HNRNPR: variants seen among roughly 807,000 people sequenced by gnomAD.
HNRNPR encodes the protein heterogeneous nuclear ribonucleoprotein R.
Under a neutral mutation model 70.3 loss-of-function variants are expected in HNRNPR, and 4 were observed. The ratio of observed to expected loss-of-function variants is 0.06; its 90% CI spans 0.03 to 0.13. HNRNPR has a LOEUF of 0.13. Among genes scored for constraint, HNRNPR ranks in the 10% least tolerant of loss-of-function variants. The pLI is 1.00. For synonymous variants in HNRNPR, 241 were observed against 267.6 expected, an observed-to-expected ratio of 0.90 and a Z score of 0.97; for missense variants, 423 against 788.5, an observed-to-expected ratio of 0.54 and a Z score of 5.55.
At position 23,323,585 on chromosome 1, in the gene HNRNPR, T is replaced by A. The variant is rs200948069; in HGVS notation, c.646A>T (p.Lys216Ter). Residue 216 changes from lysine to a stop codon, truncating the protein, a stop_gained, in exon 6 of 11, where the codon AAG becomes TAG. Transcript: ENST00000302271. LOFTEE classifies it high-confidence loss of function. ...RGYAFITFCG[K>*]EAAQEAVKLC... ...TTCACGGCTTCCTGTGCAGCTTCCTTTCCACAGAAGGTGATAAATGCATAC... is the reference window on the plus strand; with the variant it reads ...TTCACGGCTTCCTGTGCAGCTTCCTATCCACAGAAGGTGATAAATGCATAC... The A allele has an allele frequency of 6.2e-7, 1 of 1,613,866 alleles. No homozygotes were observed.
In HNRNPR at chr1:23,308,058, A is replaced by C. The variant is rs944097198; in HGVS notation, c.*2396T>G. 1 of 152,092 alleles carries C rather than the reference A, an allele frequency of 6.6e-6. No homozygotes were observed. The highest frequency in any genetic ancestry group is 1.5e-5 in the Non-Finnish European group (1 of 67,930). 9.4% of individuals were successfully genotyped at this position (152,092 alleles called of 1,614,324 possible). On this transcript the variant is annotated 3_prime_UTR_variant, in exon 11 of 11. Coordinates refer to ENST00000302271, the MANE Select transcript of HNRNPR (RefSeq NM_005826.5). ...GAATGCTGCTACAGTGTTAATTTAC[A>C]AGACATGAAAGAAGAAAAGCTCTTG...
rs565996580 is a variant in HNRNPR, at chr1:23,332,512, G to A, written c.498+1006C>T. On this transcript the variant is annotated intron_variant, in intron 5 of 10. Transcript: ENST00000302271. ...GAGGTCATGAGTTCAAGACCAGCCT[G>A]ACCAACATGGTGAAATCCTCTTTAG... Among the ~76,000 whole-genome samples the A allele has an allele frequency of 2.7e-3, 403 of 151,288 alleles. 1 individual carries two copies. Among genetic ancestry groups the A allele is most frequent in the African/African-American group, 9.4e-3 (388 of 41,198 alleles).
intron 4 of HNRNPR, among the ~76,000 whole-genome samples, chr1:23,335,969 T>C (rs1205882102): frequency 6.9e-6 from 1 of 144,990 alleles, no homozygotes; most frequent in African/African-American, 2.6e-5. Context: ...TACAAAAAAT[T>C]AGCCGGGCGT....
rs745649233 is a variant in HNRNPR at position 23,323,577 on chromosome 1, A to G, written c.654T>C (p.Ala218=). ...ATACCAGTTTCACGGCTTCCTGTGC[A>G]GCTTCCTTTCCACAGAAGGTGATAA... ...YAFITFCGKE[A]AQEAVKLCDS... Residue 218 remains alanine, a synonymous_variant, in exon 6 of 11, where the codon GCT becomes GCC. Transcript: ENST00000302271. The G allele has an allele frequency of 6.2e-6, 10 of 1,613,904 alleles. No homozygotes were observed. In the South Asian group the frequency reaches 1.1e-4, roughly 18 times the overall value.
At position 23,310,330 on chromosome 1, in the gene HNRNPR, C is replaced by T. The variant is rs1645281394; in HGVS notation, c.*124G>A. On this transcript the variant is annotated 3_prime_UTR_variant, in exon 11 of 11. Coordinates refer to ENST00000302271, the MANE Select transcript of HNRNPR (RefSeq NM_005826.5). This position sits in a 1 kb window ranked among gnomAD's most constrained non-coding sequence, Gnocchi z 6.0. ...ATATACACAATAGTGATTTCTTCAG[C>T]CCAATACAAATGGCAGCAAAATGCT... 3 of 866,494 alleles carry T rather than the reference C, an allele frequency of 3.5e-6. No individual in the cohort carries two copies. In the South Asian group the frequency reaches 5.2e-5, roughly 15 times the overall value. The allele number at this position is 866,494 out of a possible 1,614,324, so 53.7% of individuals were successfully genotyped here. A position where few individuals can be genotyped will look rare whatever the true frequency, so the allele number is the denominator to read the frequency against.
At chr1:23,338,377 AAAG>A (rs899248184) in intron 3 of HNRNPR, 110 bp downstream of exon 3, 28 of 503,696 alleles carry the variant, frequency 5.6e-5, no homozygotes, top group African/African-American at 5.2e-4. Flanking sequence ...TAATTTTTTA[AAAG>A]AAGAGGTAGT....
At chr1:23,341,256 T>C (rs1646695121) in intron 1 of HNRNPR, among the ~76,000 whole-genome samples, 1 of 152,196 alleles carries the variant, frequency 6.6e-6, no homozygotes, top group Admixed American at 6.5e-5. Flanking sequence ...CCGGGTAAGA[T>C]AAAGGCTTTA....
intron 5 of HNRNPR, among the ~76,000 whole-genome samples, chr1:23,330,318 T>C (rs1413766015): frequency 2.0e-5 from 3 of 152,130 alleles, no homozygotes; most frequent in Middle Eastern, 3.4e-3. Context: ...GGGTGGATCA[T>C]GAGGTCAAGA....
At chr1:23,324,990 A>C (rs1645910144) in intron 5 of HNRNPR, among the ~76,000 whole-genome samples, 1 of 151,540 alleles carries the variant, frequency 6.6e-6, no homozygotes, top group Admixed American at 6.6e-5. Context: ...AATACAAAAA[A>C]TTAGCCGGGC....
chr1:23,316,972 C>G (rs1355965095), intron 8 of HNRNPR, among the ~76,000 whole-genome samples: 3 of 152,096 alleles, frequency 2.0e-5, no homozygotes, highest in African/African-American at 4.8e-5. Flanking sequence ...AGACTTTATA[C>G]AAGTATAAAC....
In HNRNPR at chr1:23,308,239, TAAAGG is replaced by T. The variant is rs752797074; in HGVS notation, c.*2210_*2214del. ...TAAAATTCAAAATATAATTTGCAAT[TAAAGG>T]AAAGGATTTTGACATGGAACCCAAG... is the stretch of plus-strand genomic sequence containing the variant. On this transcript the variant is annotated 3_prime_UTR_variant, in exon 11 of 11. Coordinates refer to ENST00000302271, the MANE Select transcript of HNRNPR (RefSeq NM_005826.5). The T allele has an allele frequency of 2.0e-4, 30 of 152,170 alleles. No homozygotes were observed. Among genetic ancestry groups the T allele is most frequent in the East Asian group, 1.5e-3 (8 of 5,192 alleles). 9.4% of individuals were successfully genotyped at this position (152,170 alleles called of 1,614,324 possible). A position where few individuals can be genotyped will look rare whatever the true frequency, so the allele number is the denominator to read the frequency against.
chr1:23,335,509 T>C (rs1646436278), intron 4 of HNRNPR, among the ~76,000 whole-genome samples: 2 of 152,248 alleles, frequency 1.3e-5, no homozygotes, highest in Non-Finnish European at 2.9e-5. Flanking sequence ...CTCCCTATCA[T>C]TGGCATTACT....
chr1:23,314,373 C>T (rs1273594438), intron 8 of HNRNPR, among the ~76,000 whole-genome samples: 1 of 151,924 alleles, frequency 6.6e-6, no homozygotes, highest in Non-Finnish European at 1.5e-5. Context: ...TACTCAACTA[C>T]TAAAAATAAA....
In HNRNPR at chr1:23,309,405, A is replaced by G. The variant is rs1317133437; in HGVS notation, c.*1049T>C. The G allele has an allele frequency of 6.6e-6, 1 of 152,260 alleles. No individual in the cohort carries two copies. The highest frequency in any genetic ancestry group is 6.5e-5 in the Admixed American group (1 of 15,290). 9.4% of individuals were successfully genotyped at this position (152,260 alleles called of 1,614,324 possible). On this transcript the variant is annotated 3_prime_UTR_variant, in exon 11 of 11. Coordinates refer to ENST00000302271, the MANE Select transcript of HNRNPR (RefSeq NM_005826.5). ...CAAATAAGGTCTTCAGTCACAAATT[A>G]TCCCTTATAAAGAATGTGGGTCAAA...
chr1:23,338,451 T>G lies in HNRNPR; in HGVS notation c.276+39A>C, dbSNP rs371555320. The G allele has an allele frequency of 3.9e-6, 3 of 768,970 alleles. No homozygotes were observed. In the African/African-American group the frequency reaches 5.4e-5, roughly 14 times the overall value. The allele number at this position is 768,970 out of a possible 1,614,324, so 47.6% of individuals were successfully genotyped here. On this transcript the variant is annotated intron_variant, in intron 3 of 10. Coordinates refer to ENST00000302271, the MANE Select transcript of HNRNPR (RefSeq NM_005826.5). Reference sequence around the variant, plus strand: ...AAGTAATAGTAAAATAATTTCAGATTACTAATTGTTCAAAGACATTTCTGA... The same window carrying G: ...AAGTAATAGTAAAATAATTTCAGATGACTAATTGTTCAAAGACATTTCTGA...
At chr1:23,334,161 G>A (rs2148456095) in intron 4 of HNRNPR, among the ~76,000 whole-genome samples, 1 of 151,230 alleles carries the variant, frequency 6.6e-6, no homozygotes, top group East Asian at 2.0e-4. Flanking sequence ...AGATCCGCCT[G>A]TCTTGGCCTC....
In HNRNPR at chr1:23,332,373, G is replaced by A. The variant is rs144537439; in HGVS notation, c.498+1145C>T. ...TCTGAGTGATAGGTGAGGCAAGGGA[G>A]AGGACAAGCACAGTTCTAAATTATT... On this transcript the variant is annotated intron_variant, in intron 5 of 10. Coordinates refer to ENST00000302271, the MANE Select transcript of HNRNPR (RefSeq NM_005826.5). Among the ~76,000 whole-genome samples, 518 of 149,606 alleles carry A rather than the reference G, an allele frequency of 3.5e-3. 4 individuals carry two copies. Among genetic ancestry groups the A allele is most frequent in the Non-Finnish European group, 5.3e-3 (359 of 67,718 alleles).
Position 23,313,658 on chromosome 1 carries a change from T to C in HNRNPR, c.1062A>G (p.Glu354=). The part of the protein sequence containing the change: ...FVRNLATTVT[E]EILEKSFSEF... The stretch of plus-strand genomic sequence containing the variant: ...CAGAAAATGACTTTTCCAATATTTC[T>C]TCTGTCACCGTAGTAGCCAAGTTTC... Residue 354 remains glutamate (E), a synonymous_variant, in exon 9 of 11, where the codon GAA becomes GAG. Transcript: ENST00000302271. 1 of 1,606,368 alleles carries C rather than the reference T, an allele frequency of 6.2e-7. No homozygotes were observed.
At chr1:23,321,471 T>C (rs1645756913) in intron 7 of HNRNPR, 57 bp downstream of exon 7, 12 of 1,482,160 alleles carry the variant, frequency 8.1e-6, no homozygotes, top group Admixed American at 1.7e-5. Context: ...TTTTGAGCAC[T>C]TGTAAGTAGT....
Sources: gnomAD v4.1 joint callset for allele counts (sites outside exome capture counted in the v4.1 genomes callset) on GRCh38, gnomAD v4.1.1 for gene constraint, Gnocchi (gnomAD v3.1) non-coding constraint, MANE v1.5 for transcripts, NCBI Gene and HGNC (gene_info 2026-07-23, HGNC 2026-07-21) for gene names.